Variants in PMS1 observed in about 807,000 individuals in gnomAD.
PMS1 encodes the protein PMS1 protein homolog 1.
PMS1 carries 79 observed loss-of-function variants against 93.1 expected under a neutral mutation model. That is an observed-to-expected ratio of 0.85 (90% CI 0.71 to 1.02). The LOEUF is 1.02. Among genes scored for constraint, PMS1 ranks in the 50% least tolerant of loss-of-function variants. The pLI is 0.00. For synonymous variants in PMS1, 335 were observed against 363.4 expected, an observed-to-expected ratio of 0.92 and a Z score of 0.89; for missense variants, 1,064 against 1,085.3, an observed-to-expected ratio of 0.98 and a Z score of 0.28.
At chr2:189,864,374 T>C (rs2056358246) in intron 10 of PMS1, 146 bp downstream of exon 10, 1 of 702,622 alleles carries the variant, frequency 1.4e-6, no homozygotes, top group Non-Finnish European at 2.5e-6. Context: ...ATTTGATTTC[T>C]AGGCCGGGCG....
chr2:189,844,446 C>G (rs759533744), intron 6 of PMS1, among the ~76,000 whole-genome samples: 1 of 152,074 alleles, frequency 6.6e-6, no homozygotes, highest in Non-Finnish European at 1.5e-5. Context: ...GACTTCAAGA[C>G]CAGCCTGGCC....
chr2:189,850,932 A>G (rs745578185), intron 6 of PMS1, among the ~76,000 whole-genome samples: 5 of 152,150 alleles, frequency 3.3e-5, no homozygotes, highest in Admixed American at 6.5e-5. Flanking sequence ...TTGAGAAGCA[A>G]TTAGGGAGGA....
intron 4 of PMS1, among the ~76,000 whole-genome samples, chr2:189,807,340 T>TA (rs1205189954): frequency 4.6e-5 from 7 of 152,114 alleles, no homozygotes; most frequent in Non-Finnish European, 1.0e-4. Flanking sequence ...ATGTTTTAAT[T>TA]AAAAATAATA....
chr2:189,875,353 G>A (rs1266039902), intron 12 of PMS1, among the ~76,000 whole-genome samples: 3 of 151,832 alleles, frequency 2.0e-5, no homozygotes, highest in African/African-American at 7.3e-5. Context: ...AAGTCCTGCA[G>A]TCAGCCCTCC....
In PMS1 at chr2:189,854,780, T is replaced by C. The variant is rs770115265; in HGVS notation, c.1508T>C (p.Ile503Thr). ...GCAGATGAGTGGAGCAGGGGAAATA[T>C]ACTTAAAAATTCAGTGGGAGAGAAT... ...ISADEWSRGN[I>T]LKNSVGENIE... The change falls in exon 9 of 13, where the codon ATA becomes ACA. Residue 503 changes from isoleucine (I) to threonine (T), a missense_variant. Coordinates refer to ENST00000441310, the MANE Select transcript of PMS1 (RefSeq NM_000534.5). The C allele has an allele frequency of 3.7e-6, 6 of 1,613,604 alleles. No individual in the cohort carries two copies. The highest frequency in any genetic ancestry group is 2.2e-5 in the South Asian group (2 of 91,072).
At chr2:189,866,351 G>A (rs1040280917) in intron 10 of PMS1, among the ~76,000 whole-genome samples, 12 of 151,792 alleles carry the variant, frequency 7.9e-5, no homozygotes, top group Non-Finnish European at 1.6e-4. Context: ...GACCATATTG[G>A]CCTGAAAAAA....
At chr2:189,792,516 T>G (rs1228715539) in intron 2 of PMS1, among the ~76,000 whole-genome samples, 5 of 151,862 alleles carry the variant, frequency 3.3e-5, no homozygotes, top group African/African-American at 9.7e-5. Flanking sequence ...TCTGATTGAA[T>G]GTAAGAATAC....
intron 5 of PMS1, among the ~76,000 whole-genome samples, chr2:189,838,049 A>G (rs1406260932): frequency 6.6e-6 from 1 of 152,206 alleles, no homozygotes; most frequent in Non-Finnish European, 1.5e-5. Context: ...TTCTTTTTGG[A>G]CTGATAAAAT....
intron 1 of PMS1, among the ~76,000 whole-genome samples, chr2:189,789,168 A>G (rs1287144679): frequency 1.3e-5 from 2 of 152,234 alleles, no homozygotes; most frequent in Admixed American, 6.5e-5. Flanking sequence ...ATTCCTTTAC[A>G]TAATGATCTC....
intron 5 of PMS1, among the ~76,000 whole-genome samples, chr2:189,839,658 A>G (rs1301298167): frequency 2.6e-5 from 4 of 152,198 alleles, no homozygotes; most frequent in African/African-American, 7.2e-5. Flanking sequence ...GGTTTCTTCT[A>G]TGATGCTCCC....
Position 189,818,047 on chromosome 2 carries a change from A to C in PMS1, c.449A>C (p.Lys150Thr). ...ACTGTAACTGCTTTAAGATTATTTA[A>C]GAATCTACCTGTAAGAAAGCAGTTT... ...GTTVTALRLF[K>T]NLPVRKQFYS... Residue 150 changes from lysine to threonine, a missense_variant, in exon 5 of 13, where the codon AAG (lysine) becomes ACG (threonine). Coordinates refer to ENST00000441310, the MANE Select transcript of PMS1 (RefSeq NM_000534.5). 6.2e-7 allele frequency: 1 copy of C among 1,610,276 alleles called. No homozygotes were observed. Among genetic ancestry groups the C allele is most frequent in the Admixed American group, 1.7e-5 (1 of 59,972 alleles).
At chr2:189,847,534 A>G (rs556551200) in intron 6 of PMS1, among the ~76,000 whole-genome samples, 10 of 152,144 alleles carry the variant, frequency 6.6e-5, no homozygotes, top group South Asian at 2.1e-4. Flanking sequence ...TGTTTTATGG[A>G]TACAAAACTT....
chr2:189,825,518 C>T (rs2052353332), intron 5 of PMS1, among the ~76,000 whole-genome samples: 1 of 152,132 alleles, frequency 6.6e-6, no homozygotes, highest in African/African-American at 2.4e-5. Context: ...GCATAATTTC[C>T]TAGACCACTA....
intron 1 of PMS1, among the ~76,000 whole-genome samples, chr2:189,786,439 T>C (rs1388002882): frequency 6.6e-6 from 1 of 152,076 alleles, no homozygotes; most frequent in African/African-American, 2.4e-5. Context: ...AACATTTAGA[T>C]AGTAGGAGAG....
intron 12 of PMS1, among the ~76,000 whole-genome samples, chr2:189,874,378 A>G (rs1341635793): frequency 6.6e-6 from 1 of 152,236 alleles, no homozygotes; most frequent in African/African-American, 2.4e-5. Flanking sequence ...GAAGGGAAGG[A>G]AAGTGAAAGA....
intron 5 of PMS1, among the ~76,000 whole-genome samples, chr2:189,820,472 T>A (rs1030683993): frequency 6.6e-6 from 1 of 151,812 alleles, no homozygotes; most frequent in Non-Finnish European, 1.5e-5. Context: ...TCATTTTTAA[T>A]TTTTTTTGTA....
At chr2:189,826,061 A>G (rs2052400170) in intron 5 of PMS1, among the ~76,000 whole-genome samples, 1 of 152,190 alleles carries the variant, frequency 6.6e-6, no homozygotes, top group South Asian at 2.1e-4. Flanking sequence ...GCCCTATAAT[A>G]TATATCCCCT....
Position 189,873,484 on chromosome 2 carries a change from T to G in PMS1, c.2474-12T>G. 3.2e-6 allele frequency: 5 copies of G among 1,565,182 alleles called. No homozygotes were observed. The highest frequency in any genetic ancestry group is 4.4e-6 in the Non-Finnish European group (5 of 1,136,936). ...TGAACTTAACTATGTGTTTTTATTT[T>G]TTTTCTTTCAGGAGTTTCAATTACT... On this transcript the variant is annotated splice_polypyrimidine_tract_variant and intron_variant, in intron 11 of 12. Coordinates refer to ENST00000441310, the MANE Select transcript of PMS1 (RefSeq NM_000534.5).
At chr2:189,796,365 A>AAT (rs1553557225) in intron 3 of PMS1, among the ~76,000 whole-genome samples, 6 of 152,092 alleles carry the variant, frequency 3.9e-5, no homozygotes, top group African/African-American at 1.4e-4. Context: ...GTCTCAAAAA[A>AAT]ATATATATAT....
Sources: gnomAD v4.1 joint callset for allele counts (sites outside exome capture counted in the v4.1 genomes callset) on GRCh38, gnomAD v4.1.1 for gene constraint, MANE v1.5 for transcripts, NCBI Gene and HGNC (gene_info 2026-07-23, HGNC 2026-07-21) for gene names.